Variants in KIF18A observed in about 807,000 individuals in gnomAD.
KIF18A encodes kinesin family member 18A.
A neutral mutation model predicts 103.3 loss-of-function variants in KIF18A; 67 were observed. The observed-to-expected ratio is 0.65, with a 90% CI of 0.53 to 0.79. The LOEUF (loss-of-function observed/expected upper bound fraction) is 0.79. Ranked by LOEUF, KIF18A falls within the 30% of genes least tolerant of loss-of-function variation. The pLI, the probability that KIF18A is intolerant of heterozygous loss-of-function variation, is 0.00. For missense variants in KIF18A, 1,032 were observed against 1,062.5 expected, an observed-to-expected ratio of 0.97 and a Z score of 0.40; for synonymous variants, 367 against 355.5, an observed-to-expected ratio of 1.03 and a Z score of -0.36.
chr11:28,092,158 G>T (rs1472416275), intron 3 of KIF18A, among the ~76,000 whole-genome samples: 2 of 152,150 alleles, frequency 1.3e-5, no homozygotes, highest in Non-Finnish European at 2.9e-5. Context: ...ACGGTACTGG[G>T]AAACTCTGGG....
intron 1 of KIF18A, among the ~76,000 whole-genome samples, chr11:28,102,188 C>T (rs190022834): frequency 4.7e-4 from 72 of 152,094 alleles, no homozygotes; most frequent in Non-Finnish European, 9.3e-4. Context: ...TTTAGCTCTG[C>T]GGAGAAACAT....
intron 1 of KIF18A, among the ~76,000 whole-genome samples, chr11:28,098,948 G>C (rs1851410966): frequency 6.6e-6 from 1 of 151,558 alleles, no homozygotes; most frequent in African/African-American, 2.4e-5. Flanking sequence ...AGGACCAAAA[G>C]GTGAGACTTA....
intron 13 of KIF18A, among the ~76,000 whole-genome samples, chr11:28,056,183 T>C (rs1850778442): frequency 6.6e-6 from 1 of 151,338 alleles, no homozygotes; most frequent in Admixed American, 6.6e-5. Flanking sequence ...TTTGATTAGT[T>C]GGTTGAATCC....
At chr11:28,022,059 A>C (rs1048809860) in intron 16 of KIF18A, among the ~76,000 whole-genome samples, 3 of 152,066 alleles carry the variant, frequency 2.0e-5, no homozygotes, top group African/African-American at 7.2e-5. Flanking sequence ...GGTTTAATAC[A>C]TTTTTCACTT....
At chr11:28,084,502 A>G in intron 7 of KIF18A, 130 bp downstream of exon 7, 1 of 586,428 alleles carries the variant, frequency 1.7e-6, no homozygotes, top group Non-Finnish European at 2.9e-6. Context: ...CAGGTTAGCA[A>G]AGACCCTTCT....
At chr11:28,030,879 A>G (rs1421491029) in intron 15 of KIF18A, among the ~76,000 whole-genome samples, 3 of 150,796 alleles carry the variant, frequency 2.0e-5, no homozygotes, top group Non-Finnish European at 4.4e-5. Context: ...AAGGACATGA[A>G]CAGACACTTC....
At chr11:28,073,279 T>A (rs1462989730) in intron 10 of KIF18A, among the ~76,000 whole-genome samples, 1 of 151,968 alleles carries the variant, frequency 6.6e-6, no homozygotes, top group African/African-American at 2.4e-5. Context: ...ACACGTATTG[T>A]CCAACAAATG....
chr11:28,060,372 C>G (rs766204749), intron 12 of KIF18A, among the ~76,000 whole-genome samples: 1 of 152,114 alleles, frequency 6.6e-6, no homozygotes, highest in Non-Finnish European at 1.5e-5. Context: ...CATTCACTTT[C>G]ATACACAAAG....
chr11:28,099,096 C>T (rs1261088694), intron 1 of KIF18A, among the ~76,000 whole-genome samples: 2 of 152,080 alleles, frequency 1.3e-5, no homozygotes, highest in African/African-American at 4.8e-5. Flanking sequence ...AAGTGCCTAT[C>T]AACAGATAAA....
chr11:28,021,090 G>A lies in KIF18A; in HGVS notation c.*110C>T, dbSNP rs558355004. ...TGCTGAAAGTACTTGGGTAAACTTA[G>A]CTTTAAGATGGGTCTTCTTTCAAAG... On this transcript the variant is annotated 3_prime_UTR_variant, in exon 17 of 17. Transcript: ENST00000263181. 19 of 1,071,268 alleles carry A rather than the reference G, an allele frequency of 1.8e-5. No individual in the cohort carries two copies. In the South Asian group the frequency reaches 5.8e-4, roughly 33 times the overall value. The allele number at this position is 1,071,268 out of a possible 1,614,324, so 66.4% of individuals were successfully genotyped here.
chr11:28,106,325 C>G (rs1160859922), intron 1 of KIF18A, among the ~76,000 whole-genome samples: 2 of 152,072 alleles, frequency 1.3e-5, no homozygotes, highest in Non-Finnish European at 2.9e-5. Flanking sequence ...AATACAAACT[C>G]AAACCTGAAT....
rs1396755347 is a variant in KIF18A, at chr11:28,023,868, T to A, written c.2505-18A>T. The A allele has an allele frequency of 1.4e-6, 2 of 1,439,178 alleles. No individual in the cohort carries two copies. Among genetic ancestry groups the A allele is most frequent in the Admixed American group, 3.7e-5 (2 of 54,772 alleles). 89.2% of individuals were successfully genotyped at this position (1,439,178 alleles called of 1,614,324 possible). Reference sequence around the variant, plus strand: ...ATGTAGAACTTGAGAGGAAAAGTTTTTAATTTAGTTAAGCATTTTTTTTAT... The same window carrying A: ...ATGTAGAACTTGAGAGGAAAAGTTTATAATTTAGTTAAGCATTTTTTTTAT... On this transcript the variant is annotated intron_variant, in intron 15 of 16. Coordinates refer to ENST00000263181, the MANE Select transcript of KIF18A (RefSeq NM_031217.4).
chr11:28,032,325 T>A (rs910565621), intron 15 of KIF18A, among the ~76,000 whole-genome samples: 2 of 151,772 alleles, frequency 1.3e-5, no homozygotes, highest in African/African-American at 2.4e-5. Flanking sequence ...GCAATCCCTA[T>A]CAAAATACCA....
chr11:28,022,238 T>A lies in KIF18A; in HGVS notation c.2615-956A>T, dbSNP rs1367218858. Among the ~76,000 whole-genome samples the A allele has an allele frequency of 7.9e-5, 12 of 151,948 alleles. No individual in the cohort carries two copies. The South Asian group carries it at 1.9e-3, about 24-fold the overall frequency. On this transcript the variant is annotated intron_variant, in intron 16 of 16. Coordinates refer to ENST00000263181, the MANE Select transcript of KIF18A (RefSeq NM_031217.4). ...AATTTGTATCTTCAGATAATAAGCA[T>A]ATTAGAAAAAGCCAAGTTCTATGAT...
intron 9 of KIF18A, 119 bp from the exon 10 acceptor site, chr11:28,077,288 G>T: frequency 1.7e-6 from 1 of 602,708 alleles, no homozygotes; most frequent in Non-Finnish European, 2.7e-6. Context: ...TACACTCAAT[G>T]ATAAACAGCA....
At chr11:28,077,459 T>C (rs1851108805) in intron 9 of KIF18A, among the ~76,000 whole-genome samples, 1 of 152,214 alleles carries the variant, frequency 6.6e-6, no homozygotes, top group Non-Finnish European at 1.5e-5. Flanking sequence ...CTGCATTTTG[T>C]CTATGCTTAC....
At chr11:28,092,407 G>C (rs1851318579) in intron 3 of KIF18A, among the ~76,000 whole-genome samples, 1 of 152,152 alleles carries the variant, frequency 6.6e-6, no homozygotes, top group Non-Finnish European at 1.5e-5. Context: ...AAGACTCTGA[G>C]AGGTTAAATG....
rs187100739 is a variant in KIF18A, at chr11:28,102,689, T to C, written c.-46-4696A>G. On this transcript the variant is annotated intron_variant, in intron 1 of 16. Coordinates refer to ENST00000263181, the MANE Select transcript of KIF18A (RefSeq NM_031217.4). ...GACATGGATGTTAATTTTTAAAGTA[T>C]CATGTATTTCCCTATCTTTTAAAAA... 2.0e-5 allele frequency among the ~76,000 whole-genome samples: 3 copies of C among 152,338 alleles called. No homozygotes were observed. In the East Asian group the frequency reaches 5.8e-4, roughly 29 times the overall value.
In KIF18A at chr11:28,056,602, A is replaced by C. The variant is rs117236121; in HGVS notation, c.1948+2324T>G. Among the ~76,000 whole-genome samples the C allele has an allele frequency of 8.0e-3, 1,224 of 152,074 alleles. 14 individuals are homozygous for C. The highest frequency in any genetic ancestry group is 0.015 in the Non-Finnish European group (1,003 of 67,938). On this transcript the variant is annotated intron_variant, in intron 13 of 16. Transcript: ENST00000263181. ...AAGATAATGCAGAAACAAATTCAGAAAGTCAGGAACCCACTTAAGAGAAGT... is the reference window on the plus strand; with the variant it reads ...AAGATAATGCAGAAACAAATTCAGACAGTCAGGAACCCACTTAAGAGAAGT...
Sources: allele counts gnomAD v4.1 joint callset (sites outside exome capture counted in the v4.1 genomes callset), GRCh38; gene constraint gnomAD v4.1.1; transcripts MANE v1.5; gene names NCBI Gene and HGNC (gene_info 2026-07-23, HGNC 2026-07-21).